Variants in ZPBP observed in about 807,000 individuals in gnomAD.
ZPBP encodes zona pellucida binding protein.
A neutral mutation model predicts 44.8 loss-of-function variants in ZPBP; 26 were observed. The ratio of observed to expected loss-of-function variants is 0.58; its 90% confidence interval spans 0.43 to 0.81. The LOEUF is 0.81. Ranked by LOEUF, ZPBP falls within the 30% of genes least tolerant of loss-of-function variation. The pLI is 0.00. For missense variants in ZPBP, 409 were observed against 434.0 expected (o/e 0.94, Z 0.51); for synonymous variants, 174 against 153.2 (o/e 1.14, Z -1.00).
chr7:50,048,955 G>A (rs575027394), intron 4 of ZPBP, among the ~76,000 whole-genome samples: 1 of 151,842 alleles, frequency 6.6e-6, no homozygotes, highest in Admixed American at 6.6e-5. Flanking sequence ...AAAAACAAGA[G>A]ATAGAAGACT....
chr7:49,902,760 T>C (rs11983174), intron 1 of ZPBP, among the ~76,000 whole-genome samples: 116,268 of 151,918 alleles, frequency 0.77, 44,674 homozygotes, highest in East Asian at 0.89. Flanking sequence ...ATGCATTTGA[T>C]CGCATTGAAA....
rs113243706 is a variant in ZPBP, at chr7:50,069,636, T to C, written c.335-11495A>G. ...CTTTTGAACATCCAGTTTTATCCCA[T>C]AATCACCACTAAATCTTTTTTTTTA... On this transcript the variant is annotated intron_variant, in intron 3 of 7. Transcript: ENST00000046087. 7.2e-3 allele frequency among the ~76,000 whole-genome samples: 1,094 copies of C among 152,292 alleles called. 14 individuals are homozygous for C. Among genetic ancestry groups the C allele is most frequent in the African/African-American group, 0.025 (1,039 of 41,548 alleles).
intron 6 of ZPBP, among the ~76,000 whole-genome samples, chr7:49,985,082 C>A (rs1467157721): frequency 1.3e-5 from 2 of 152,160 alleles, no homozygotes. Flanking sequence ...TGTGTGAGTG[C>A]ACCCTGTGAT....
intron 6 of ZPBP, among the ~76,000 whole-genome samples, chr7:49,999,565 CAGTCCA>C (rs1798004411): frequency 6.6e-6 from 1 of 152,084 alleles, no homozygotes; most frequent in Admixed American, 6.6e-5. Flanking sequence ...GTGTAAATTC[CAGTCCA>C]AGTCCAAAGG....
the ZPBP span, among the ~76,000 whole-genome samples, chr7:49,841,118 T>C: frequency 1.3e-5 from 2 of 152,170 alleles, no homozygotes; most frequent in Admixed American, 1.3e-4. Flanking sequence ...ACATAATGCA[T>C]ACAAGCGAAG....
intron 5 of ZPBP, among the ~76,000 whole-genome samples, chr7:50,029,230 T>C (rs142561170): frequency 6.6e-6 from 1 of 152,320 alleles, no homozygotes; most frequent in Admixed American, 6.5e-5. Flanking sequence ...CCATTCAGTG[T>C]GGAAAAGAAT....
At chr7:49,882,781 CT>C (rs1468233239) in intron 2 of ZPBP, among the ~76,000 whole-genome samples, 2 of 152,158 alleles carry the variant, frequency 1.3e-5, no homozygotes, top group South Asian at 4.1e-4. Flanking sequence ...TGATTCCCAA[CT>C]TTTTTTTCTA....
rs2128796307 is a variant in ZPBP at position 50,003,941 on chromosome 7, C to T, written c.783+14299G>A. On this transcript the variant is annotated intron_variant, in intron 6 of 7. Transcript: ENST00000046087. ...AAATTTCCCTAAATATGCTTAATTA[C>T]ATAAAAGAGAACATGGATAGATGAA... Among the ~76,000 whole-genome samples the T allele has an allele frequency of 2.0e-5, 3 of 152,188 alleles. No homozygotes were observed. In the South Asian group the frequency reaches 6.2e-4, roughly 32 times the overall value.
At chr7:49,864,875 GT>G (rs1562739492) in intron 2 of ZPBP, among the ~76,000 whole-genome samples, 1 of 152,158 alleles carries the variant, frequency 6.6e-6, no homozygotes, top group Non-Finnish European at 1.5e-5. Flanking sequence ...TGCCTTGTTC[GT>G]GATTCAGTGC....
intron 2 of ZPBP, among the ~76,000 whole-genome samples, chr7:49,876,463 T>A (rs576360846): frequency 6.6e-6 from 1 of 152,162 alleles, no homozygotes; most frequent in African/African-American, 2.4e-5. Context: ...ATTAACTGTA[T>A]GTAAAAGCTC....
At chr7:49,881,461 C>T (rs953385880) in intron 2 of ZPBP, among the ~76,000 whole-genome samples, 5 of 152,154 alleles carry the variant, frequency 3.3e-5, no homozygotes, top group Admixed American at 3.3e-4. Context: ...TTGTGCCTAA[C>T]CCTACCTCAC....
In ZPBP at chr7:49,940,723, C is replaced by T. The variant is rs541666659; in HGVS notation, c.962-3101G>A. 9.1e-6 allele frequency: 9 copies of T among 984,374 alleles called. No individual in the cohort carries two copies. The South Asian group carries it at 3.8e-4, about 41-fold the overall frequency. 61.0% of individuals were successfully genotyped at this position (984,374 alleles called of 1,614,324 possible). A position where few individuals can be genotyped will look rare whatever the true frequency, so the allele number is the denominator to read the frequency against. The stretch of plus-strand genomic sequence containing the variant: ...TGTGGCATTTTTACTCACCACTGTC[C>T]CACCTCCTTCCCCATGCAGCTCTGG... On this transcript the variant is annotated intron_variant, in intron 7 of 7. Coordinates refer to ENST00000046087, the MANE Select transcript of ZPBP (RefSeq NM_007009.3).
chr7:49,891,598 G>A (rs1218503086), intron 2 of ZPBP, among the ~76,000 whole-genome samples: 3 of 152,100 alleles, frequency 2.0e-5, no homozygotes, highest in African/African-American at 4.8e-5. Flanking sequence ...CGCCAGGGTC[G>A]ATAAAATATA....
intron 2 of ZPBP, among the ~76,000 whole-genome samples, chr7:49,874,811 C>T (rs1683100426): frequency 6.6e-6 from 1 of 152,082 alleles, no homozygotes; most frequent in African/African-American, 2.4e-5. Context: ...CTATCCTTTT[C>T]CTACTTCAGT....
chr7:49,888,646 C>G (rs981288025), intron 2 of ZPBP, among the ~76,000 whole-genome samples: 1 of 152,120 alleles, frequency 6.6e-6, no homozygotes, highest in South Asian at 2.1e-4. Flanking sequence ...CGCGGTGGCT[C>G]ACCGCTGTAA....
At chr7:49,949,175 C>A (rs1302630435) in intron 7 of ZPBP, among the ~76,000 whole-genome samples, 1 of 152,100 alleles carries the variant, frequency 6.6e-6, no homozygotes, top group Non-Finnish European at 1.5e-5. Flanking sequence ...AAGAAGAGAG[C>A]CCTCTCCAGA....
chr7:49,959,186 G>C (rs1418534636), intron 7 of ZPBP, among the ~76,000 whole-genome samples: 6 of 149,310 alleles, frequency 4.0e-5, no homozygotes, highest in Non-Finnish European at 7.4e-5. Context: ...CTAATATTGG[G>C]AAAAGGGCAA....
chr7:49,853,516 T>C (rs971592524), intron 2 of ZPBP, among the ~76,000 whole-genome samples: 1 of 151,954 alleles, frequency 6.6e-6, no homozygotes, highest in Non-Finnish European at 1.5e-5. Context: ...TGGAATAAGA[T>C]AGGTCCTAAG....
chr7:50,001,253 T>G (rs1326169619), intron 6 of ZPBP, among the ~76,000 whole-genome samples: 1 of 152,152 alleles, frequency 6.6e-6, no homozygotes, highest in Admixed American at 6.5e-5. Context: ...TCTACAAAAT[T>G]TTACCATGAT....
Sources: allele counts gnomAD v4.1 joint callset (sites outside exome capture counted in the v4.1 genomes callset), GRCh38; gene constraint gnomAD v4.1.1; transcripts MANE v1.5; gene names NCBI Gene and HGNC (gene_info 2026-07-23, HGNC 2026-07-21).